The following TRIOBP variants were observed in gnomAD, a reference collection of about 807,000 sequenced individuals.
TRIOBP encodes TRIO and F-actin-binding protein.
TRIOBP carries 169 observed loss-of-function variants against 238.8 expected under a neutral mutation model. That is an observed-to-expected ratio of 0.71 (90% confidence interval 0.62 to 0.80). The LOEUF (loss-of-function observed/expected upper bound fraction) is 0.80, where lower values mean the gene tolerates loss of function less well. Ranked by LOEUF, TRIOBP falls within the 30% of genes least tolerant of loss-of-function variation. TRIOBP has a pLI of 0.00. For synonymous variants in TRIOBP, 1,150 were observed against 1,274.4 expected, an observed-to-expected ratio of 0.90 and a Z score of 2.08; for missense variants, 2,838 against 3,122.6, an observed-to-expected ratio of 0.91 and a Z score of 2.17.
chr22:37,744,367 T>G (rs1217462213), intron 11 of TRIOBP, among the ~76,000 whole-genome samples: 1 of 152,134 alleles, frequency 6.6e-6, no homozygotes, highest in Non-Finnish European at 1.5e-5. Flanking sequence ...GACCAAAGTA[T>G]GTGTCTCTCC....
rs748899065 is a variant in TRIOBP at position 37,734,457 on chromosome 22, C to G, written c.4121C>G (p.Pro1374Arg). 3 of 1,613,134 alleles carry G rather than the reference C, an allele frequency of 1.9e-6. No homozygotes were observed. The highest frequency in any genetic ancestry group is 2.5e-6 in the Non-Finnish European group (3 of 1,179,896). ...ACCCGGCGGAGCCAAGCAGAGCCCCCTCATCCTTGGAGTCCTGAGAAGAGA... is the reference window on the plus strand; with the variant it reads ...ACCCGGCGGAGCCAAGCAGAGCCCCGTCATCCTTGGAGTCCTGAGAAGAGA... ...ELTRRSQAEP[P>R]HPWSPEKRPE... Residue 1374 changes from proline to arginine, a missense_variant, in exon 9 of 24, where the codon CCT becomes CGT. This residue lies in a region of TRIOBP where 2,096 missense variants were observed against 2,137.4 expected (regional missense o/e 0.98). Transcript: ENST00000644935.
chr22:37,722,134 C>T (rs1923861413), intron 6 of TRIOBP, among the ~76,000 whole-genome samples: 1 of 152,178 alleles, frequency 6.6e-6, no homozygotes, highest in Non-Finnish European at 1.5e-5. Flanking sequence ...AAAGGTTGTC[C>T]ATCCCTGCAC....
chr22:37,767,390 G>A (rs372601511), intron 18 of TRIOBP, among the ~76,000 whole-genome samples: 399 of 152,262 alleles, frequency 2.6e-3, no homozygotes, highest in African/African-American at 9.1e-3. Context: ...ACCATGGGTG[G>A]CCCTGAGTGG....
rs767770635 is a variant in TRIOBP, at chr22:37,724,600, C to T, written c.2044C>T (p.Pro682Ser). ...PRTSCALRDN[P>S]RASSPSRTIQ... ...AACATCCTGTGCCCTACGGGACAAT[C>T]CCAGAGCCTCCTCTCCCAGCAGAAC... is the stretch of plus-strand genomic sequence containing the variant. Residue 682 changes from proline to serine, a missense_variant, in exon 7 of 24, where the codon CCC becomes TCC. Physicochemically the swap from Pro to Ser is moderately conservative, Grantham distance 74. This residue lies in a region of TRIOBP where 167 missense variants were observed against 200.2 expected (regional missense o/e 0.83). Transcript: ENST00000644935. 1 of 1,611,470 alleles carries T rather than the reference C, an allele frequency of 6.2e-7. No individual in the cohort carries two copies. The highest frequency in any genetic ancestry group is 8.5e-7 in the Non-Finnish European group (1 of 1,179,392).
Position 37,713,349 on chromosome 22 carries a change from T to G in TRIOBP, c.394T>G (p.Ser132Ala), listed in dbSNP as rs1569035677. The change falls in exon 5 of 24, where the codon TCT becomes GCT. Residue 132 changes from serine to alanine, a missense_variant. Around this residue, in one of 5 missense-constraint regions of TRIOBP, gnomAD observed 535 missense variants for 537.3 expected, o/e 1.00. Coordinates refer to ENST00000644935, the MANE Select transcript of TRIOBP (RefSeq NM_001039141.3). The part of the protein sequence containing the change: ...LCGSCNEDPG[S>A]DPTSSPDSAT... Reference sequence around the variant, plus strand: ...TGGCAGCTGCAACGAGGACCCCGGCTCTGACCCCACCTCCAGCCCTGACTC... The same window carrying G: ...TGGCAGCTGCAACGAGGACCCCGGCGCTGACCCCACCTCCAGCCCTGACTC... The G allele has an allele frequency of 6.2e-7, 1 of 1,613,816 alleles. No homozygotes were observed. Among genetic ancestry groups the G allele is most frequent in the African/African-American group, 1.3e-5 (1 of 74,914 alleles).
At chr22:37,743,844 TGCTGGGTGTGTGTGA>T (rs767409875) in intron 11 of TRIOBP, among the ~76,000 whole-genome samples, 7 of 110,206 alleles carry the variant, frequency 6.4e-5, no homozygotes, top group South Asian at 3.1e-4. Context: ...TGTGTGTGTG[TGCTGGGTGTGTGTGA>T]GTGTGTGCTG....
chr22:37,756,512 G>A (rs1176157266), intron 15 of TRIOBP, among the ~76,000 whole-genome samples: 1 of 152,240 alleles, frequency 6.6e-6, no homozygotes, highest in African/African-American at 2.4e-5. Context: ...AGCACTTTGT[G>A]AACTCTGAAG....
At chr22:37,746,901 G>A (rs1356063876) in intron 11 of TRIOBP, among the ~76,000 whole-genome samples, 1 of 152,116 alleles carries the variant, frequency 6.6e-6, no homozygotes, top group Non-Finnish European at 1.5e-5. Flanking sequence ...TGTGGCCGCT[G>A]GCCCGAGGTC....
intron 3 of TRIOBP, among the ~76,000 whole-genome samples, chr22:37,702,191 G>GTTTTAT (rs1184962720): frequency 1.3e-5 from 2 of 151,950 alleles, no homozygotes; most frequent in African/African-American, 4.8e-5. Flanking sequence ...ACTTGAGAGT[G>GTTTTAT]TTTTCTTTTT....
intron 11 of TRIOBP, among the ~76,000 whole-genome samples, chr22:37,741,743 G>A (rs1456522300): frequency 6.6e-6 from 1 of 152,178 alleles, no homozygotes; most frequent in Non-Finnish European, 1.5e-5. Context: ...ACTTGCCTGA[G>A]GTCGCACAGC....
rs771386143 is a variant in TRIOBP at position 37,726,012 on chromosome 22, C to G, written c.3456C>G (p.Asp1152Glu). 8.7e-6 allele frequency: 14 copies of G among 1,609,674 alleles called. No homozygotes were observed. Among genetic ancestry groups the G allele is most frequent in the South Asian group, 6.6e-5 (6 of 90,738 alleles). Residue 1152 changes from aspartate to glutamate, a missense_variant, in exon 7 of 24, where the codon GAC becomes GAG. Physicochemically the swap from Asp to Glu is conservative, Grantham distance 45 (BLOSUM62 2). Transcript: ENST00000644935. ...ASTESLVPSM[D>E]SLHECPHIPT... ...CAGAGAGCCTTGTCCCTTCCATGGA[C>G]TCTCTGCACGAGTGCCCCCACATCC...
chr22:37,761,957 T>G (rs1338448285), intron 17 of TRIOBP, among the ~76,000 whole-genome samples: 1 of 150,054 alleles, frequency 6.7e-6, no homozygotes, highest in Admixed American at 6.6e-5. Context: ...CCAGGGGGCT[T>G]CTGCCTGCGT....
At position 37,771,352 on chromosome 22, in the gene TRIOBP, T is replaced by G. The variant is rs201972047; in HGVS notation, c.6850-298T>G. On this transcript the variant is annotated intron_variant, in intron 21 of 23. Transcript: ENST00000644935. ...AGCCTGCTCAGGTTTATGTAGGGCTTCTTTTCATCCATCTCACTCCCGAGG... is the reference window on the plus strand; with the variant it reads ...AGCCTGCTCAGGTTTATGTAGGGCTGCTTTTCATCCATCTCACTCCCGAGG... 2.0e-5 allele frequency among the ~76,000 whole-genome samples: 3 copies of G among 152,276 alleles called. No individual in the cohort carries two copies. The East Asian group carries it at 5.8e-4, about 29-fold the overall frequency.
chr22:37,759,491 G>A (rs1926128300), intron 17 of TRIOBP: 9 of 1,604,090 alleles, frequency 5.6e-6, no homozygotes, highest in Non-Finnish European at 6.8e-6. Flanking sequence ...ACTTGCCCAA[G>A]GTCACCCCGC....
intron 12 of TRIOBP, among the ~76,000 whole-genome samples, chr22:37,752,716 C>T (rs887470907): frequency 2.6e-5 from 4 of 152,328 alleles, no homozygotes; most frequent in African/African-American, 7.2e-5. Context: ...CCCGGCACCC[C>T]GCCAGTGACC....
chr22:37,703,908 T>C (rs781450861), intron 3 of TRIOBP, among the ~76,000 whole-genome samples: 4 of 152,162 alleles, frequency 2.6e-5, no homozygotes, highest in Non-Finnish European at 5.9e-5. Flanking sequence ...CAAATGACTT[T>C]CTTCCAGTGG....
At chr22:37,707,941 C>CA (rs1031355855) in intron 3 of TRIOBP, among the ~76,000 whole-genome samples, 1 of 94,778 alleles carries the variant, frequency 1.1e-5, no homozygotes, top group East Asian at 3.4e-4. Flanking sequence ...GACTCTGTCT[C>CA]AAAAAAAAGA....
In TRIOBP at chr22:37,713,256, G is replaced by A. The variant is rs752612856; in HGVS notation, c.301G>A (p.Ala101Thr). 18 of 1,613,866 alleles carry A rather than the reference G, an allele frequency of 1.1e-5. No homozygotes were observed. Among genetic ancestry groups the A allele is most frequent in the Non-Finnish European group, 1.4e-5 (17 of 1,179,884 alleles). The stretch of plus-strand genomic sequence containing the variant: ...GCTCCCAGAAGAGGGTCCCACAGCT[G>A]CCCCCAGGAGCAGGAGCCGGGAGCT... Reference protein sequence around the residue: ...AGLPEEGPTAAPRSRSRELEA... With the variant: ...AGLPEEGPTATPRSRSRELEA... The change falls in exon 5 of 24, where the codon GCC becomes ACC. Residue 101 changes from alanine (A) to threonine (T), a missense_variant. Physicochemically the swap from Ala to Thr is moderately conservative, Grantham distance 58. Transcript: ENST00000644935.
intron 3 of TRIOBP, among the ~76,000 whole-genome samples, chr22:37,708,553 A>G (rs1036180116): frequency 6.6e-6 from 1 of 152,080 alleles, no homozygotes; most frequent in African/African-American, 2.4e-5. Context: ...CTCTGTCTCA[A>G]AAAAAAAGCC....
Sources: gnomAD v4.1 joint callset for allele counts (sites outside exome capture counted in the v4.1 genomes callset) on GRCh38, gnomAD v4.1.1 for gene constraint, gnomAD v4.1.1 regional missense constraint, MANE v1.5 for transcripts, NCBI Gene and HGNC (gene_info 2026-07-23, HGNC 2026-07-21) for gene names.